INSL6: variants seen among roughly 807,000 people sequenced by gnomAD.
INSL6 encodes the protein insulin like 6, also known as insulin-like peptide INSL6.
Under a neutral mutation model 9.4 loss-of-function variants are expected in INSL6, and 16 were observed. That is an observed-to-expected ratio of 1.70 (90% CI 1.15 to 2.59). The LOEUF (loss-of-function observed/expected upper bound fraction) is 2.59, where lower values mean the gene tolerates loss of function less well. Among genes scored for constraint, INSL6 ranks in the 30% most tolerant of loss-of-function variants. INSL6 has a pLI of 0.00. For missense variants in INSL6, 391 were observed against 257.3 expected (o/e 1.52, Z -3.56); for synonymous variants, 154 against 96.9 (o/e 1.59, Z -3.46).
intron 3 of INSL6, chr9:5,126,493 T>C (rs1001612240): frequency 2.3e-6 from 3 of 1,319,094 alleles, no homozygotes; most frequent in Non-Finnish European, 3.2e-6. Flanking sequence ...TTTCTTTTAC[T>C]TTTTACTCAA....
the INSL6 span, among the ~76,000 whole-genome samples, chr9:4,992,208 G>C: frequency 6.6e-6 from 1 of 152,178 alleles, no homozygotes; most frequent in Non-Finnish European, 1.5e-5. Flanking sequence ...TGTTAGCTGG[G>C]CTGTTAACTG....
At chr9:5,087,919 A>G in the INSL6 span, among the ~76,000 whole-genome samples, 1 of 152,234 alleles carries the variant, frequency 6.6e-6, no homozygotes, top group African/African-American at 2.4e-5. Flanking sequence ...AAATTAGTGC[A>G]TTCGTGTGAC....
chr9:5,112,313 C>T, the INSL6 span: 1 of 275,028 alleles, frequency 3.6e-6, no homozygotes, highest in Non-Finnish European at 7.0e-6. Context: ...CTCCAGCTAG[C>T]CAGGCGCCCT....
chr9:5,128,733 C>T (rs1339263241), intron 3 of INSL6, among the ~76,000 whole-genome samples: 1 of 151,786 alleles, frequency 6.6e-6, no homozygotes, highest in East Asian at 1.9e-4. Flanking sequence ...TTCATTGAGG[C>T]TTCGTAAAGT....
chr9:5,178,581 T>C (rs187917706), intron 1 of INSL6, among the ~76,000 whole-genome samples: 7 of 152,258 alleles, frequency 4.6e-5, no homozygotes, highest in African/African-American at 1.4e-4. Context: ...TGTGGTTTCC[T>C]ACATCACACT....
chr9:5,081,886 T>G, the INSL6 span: 1 of 1,583,370 alleles, frequency 6.3e-7, no homozygotes, highest in South Asian at 1.1e-5. Context: ...TTTTTTCAAA[T>G]AGAGTATAAT....
the INSL6 span, chr9:5,112,551 C>A: frequency 1.6e-6 from 1 of 609,544 alleles, no homozygotes. Context: ...AGCAGGTGGC[C>A]AATAACGCCA....
the INSL6 span, chr9:5,111,457 G>A: frequency 1.8e-5 from 7 of 387,308 alleles, no homozygotes; most frequent in African/African-American, 6.3e-5. Flanking sequence ...TTCCATCCTC[G>A]GCGTACCTGC....
At chr9:5,021,321 C>G in the INSL6 span, among the ~76,000 whole-genome samples, 9 of 152,186 alleles carry the variant, frequency 5.9e-5, no homozygotes, top group Admixed American at 5.9e-4. Context: ...TAACTCTAGT[C>G]AACCTTCTGG....
At chr9:5,160,606 A>G (rs1206358296), downstream of INSL6, among the ~76,000 whole-genome samples, 3 of 152,198 alleles carry the variant, frequency 2.0e-5, no homozygotes, top group African/African-American at 7.2e-5. Flanking sequence ...ACATCATAGC[A>G]TAAATAAATG....
the INSL6 span, chr9:5,112,746 G>C: frequency 1.4e-6 from 1 of 691,106 alleles, no homozygotes; most frequent in Admixed American, 3.4e-5. Context: ...TGTTTGAAAC[G>C]GCGAGAAGAG....
intron 1 of INSL6, among the ~76,000 whole-genome samples, chr9:5,168,516 C>A (rs1321354478): frequency 1.3e-5 from 2 of 151,710 alleles, no homozygotes; most frequent in African/African-American, 4.8e-5. Context: ...ATAAGGCAGG[C>A]AGACAAGATT....
intron 1 of INSL6, among the ~76,000 whole-genome samples, chr9:5,184,599 G>A (rs1825528506): frequency 6.6e-6 from 1 of 152,152 alleles, no homozygotes; most frequent in South Asian, 2.1e-4. Flanking sequence ...GGTATATAGG[G>A]CTGACTTTAT....
the INSL6 span, among the ~76,000 whole-genome samples, chr9:5,002,605 G>C: frequency 1.3e-5 from 2 of 151,940 alleles, no homozygotes; most frequent in Non-Finnish European, 2.9e-5. Flanking sequence ...ATGTTCTGCA[G>C]TTGTTGGGCA....
chr9:5,138,882 C>A (rs565815186), intron 2 of INSL6, among the ~76,000 whole-genome samples: 5 of 150,652 alleles, frequency 3.3e-5, no homozygotes, highest in African/African-American at 1.2e-4. Context: ...ACTCTTCTGT[C>A]GGGTTGTTTT....
chr9:5,126,726 C>A, intron 3 of INSL6: 2 of 1,611,044 alleles, frequency 1.2e-6, no homozygotes, highest in South Asian at 1.1e-5. Flanking sequence ...TAATGTAAAT[C>A]AACGCCCCTC....
At chr9:5,101,502 G>C in the INSL6 span, among the ~76,000 whole-genome samples, 17 of 152,248 alleles carry the variant, frequency 1.1e-4, no homozygotes, top group Admixed American at 3.3e-4. Flanking sequence ...AAACGTCCCT[G>C]TCTGACAGCT....
At chr9:5,150,006 C>T (rs926131218) in intron 2 of INSL6, among the ~76,000 whole-genome samples, 1 of 152,160 alleles carries the variant, frequency 6.6e-6, no homozygotes, top group Admixed American at 6.5e-5. Flanking sequence ...AAAGATCAGT[C>T]TAGTTTAAAA....
At chr9:5,174,484 G>A (rs866040354) in intron 1 of INSL6, among the ~76,000 whole-genome samples, 1 of 151,968 alleles carries the variant, frequency 6.6e-6, no homozygotes, top group Non-Finnish European at 1.5e-5. Context: ...TGGTTTCCAC[G>A]ATATCACACT....
Sources: allele counts gnomAD v4.1 joint callset (sites outside exome capture counted in the v4.1 genomes callset), GRCh38; gene constraint gnomAD v4.1.1; transcripts MANE v1.5; gene names NCBI Gene and HGNC (gene_info 2026-07-23, HGNC 2026-07-21).